The following SGCD variants were observed in gnomAD, a reference collection of about 807,000 sequenced individuals.
The protein encoded by SGCD is delta-sarcoglycan.
In SGCD, 18 loss-of-function variants were observed where a neutral mutation model predicts 36.6. The observed-to-expected ratio is 0.49, with a 90% CI of 0.34 to 0.73. The LOEUF is 0.73. SGCD is among the 30% of genes least tolerant of loss of function. The pLI is 0.01. For missense variants in SGCD, 387 were observed against 346.7 expected (o/e 1.12, Z -0.92); for synonymous variants, 133 against 130.6 (o/e 1.02, Z -0.12).
At chr5:155,924,785 TAAATC>T (rs1042701172) in intron 1 of SGCD, among the ~76,000 whole-genome samples, 4 of 152,204 alleles carry the variant, frequency 2.6e-5, no homozygotes, top group Non-Finnish European at 5.9e-5. Context: ...TTAGTAAACA[TAAATC>T]AGTTGTACAG....
At chr5:156,379,500 T>C (rs1408804310) in intron 3 of SGCD, among the ~76,000 whole-genome samples, 1 of 152,106 alleles carries the variant, frequency 6.6e-6, no homozygotes, top group Non-Finnish European at 1.5e-5. Flanking sequence ...GATGACAGGA[T>C]AGAGTAGTAG....
chr5:155,758,633 C>G, the SGCD span, among the ~76,000 whole-genome samples: 4 of 152,072 alleles, frequency 2.6e-5, no homozygotes, highest in East Asian at 1.9e-4. Flanking sequence ...CACAGGAGCA[C>G]GAACCGTATT....
chr5:156,729,690 A>G, intron 7 of SGCD, among the ~76,000 whole-genome samples: 1 of 152,208 alleles, frequency 6.6e-6, no homozygotes, highest in East Asian at 1.9e-4. Flanking sequence ...CAAGGTTAGT[A>G]TATATAAGTA....
chr5:156,552,261 G>A (rs1758831199), intron 4 of SGCD, among the ~76,000 whole-genome samples: 1 of 152,140 alleles, frequency 6.6e-6, no homozygotes, highest in South Asian at 2.1e-4. Flanking sequence ...GTGTAAGTGG[G>A]TTTCTTCTTG....
chr5:156,700,268 C>T (rs1754477377), intron 7 of SGCD, among the ~76,000 whole-genome samples: 1 of 152,090 alleles, frequency 6.6e-6, no homozygotes, highest in African/African-American at 2.4e-5. Flanking sequence ...TCGGTCTGTT[C>T]TCTGTTGTAC....
chr5:156,750,480 T>TCAGG (rs1393627364), intron 7 of SGCD, among the ~76,000 whole-genome samples: 3 of 151,866 alleles, frequency 2.0e-5, no homozygotes, highest in Non-Finnish European at 4.4e-5. Context: ...GAGTTCAAGA[T>TCAGG]CAGGCTGGCC....
intron 1 of SGCD, among the ~76,000 whole-genome samples, chr5:156,049,002 T>A (rs1407228481): frequency 6.8e-6 from 1 of 147,312 alleles, no homozygotes; most frequent in Non-Finnish European, 1.5e-5. Flanking sequence ...AATTTTTGTA[T>A]AAGGTGTAAG....
rs144286704 is a variant in SGCD at position 156,160,273 on chromosome 5, T to A, written c.-44+36254T>A. On this transcript the variant is annotated intron_variant, in intron 3 of 9. Transcript: ENST00000517913. ...GAAATTTATTTTTAACTAAGATATA[T>A]CAGCACAAAGATCTCTTCCAGCATC... Among the ~76,000 whole-genome samples the A allele has an allele frequency of 6.0e-4, 91 of 151,712 alleles. 1 individual carries two copies. The Middle Eastern group carries it at 0.01, about 17-fold the overall frequency.
intron 3 of SGCD, among the ~76,000 whole-genome samples, chr5:156,319,516 T>C (rs1224047541): frequency 6.6e-6 from 1 of 152,226 alleles, no homozygotes; most frequent in Non-Finnish European, 1.5e-5. Context: ...ACTTCCTCAT[T>C]GCTTAAGAAG....
intron 3 of SGCD, among the ~76,000 whole-genome samples, chr5:156,438,029 T>C (rs185497090): frequency 2.6e-5 from 4 of 152,234 alleles, no homozygotes; most frequent in African/African-American, 4.8e-5. Flanking sequence ...GGAGGATACA[T>C]TGGGGAGGCT....
At chr5:156,235,663 C>T (rs574458656) in intron 3 of SGCD, among the ~76,000 whole-genome samples, 5 of 152,060 alleles carry the variant, frequency 3.3e-5, no homozygotes, top group South Asian at 2.1e-4. Flanking sequence ...GTCTTCTAAT[C>T]GAAACTACTG....
intron 3 of SGCD, among the ~76,000 whole-genome samples, chr5:156,443,543 T>C (rs1348132379): frequency 1.3e-5 from 2 of 152,106 alleles, no homozygotes; most frequent in Non-Finnish European, 2.9e-5. Flanking sequence ...TGATCATCTA[T>C]TGAAGTTTGG....
chr5:156,373,684 A>T (rs13184996), intron 3 of SGCD, among the ~76,000 whole-genome samples: 97,849 of 152,084 alleles, frequency 0.64, 33,099 homozygotes, highest in East Asian at 0.92. Context: ...CAGTGCTAAG[A>T]GAAAATGAAC....
Position 156,413,912 on chromosome 5 carries a change from A to C in SGCD, c.192+69235A>C, listed in dbSNP as rs561818979. On this transcript the variant is annotated intron_variant, in intron 3 of 8. Coordinates refer to ENST00000337851, the MANE Select transcript of SGCD (RefSeq NM_000337.6). ...CTTAGGACTTGGAGATGGAGGACACAGTACTGAGGTTTTGGAGATGAAAGT... is the reference window on the plus strand; with the variant it reads ...CTTAGGACTTGGAGATGGAGGACACCGTACTGAGGTTTTGGAGATGAAAGT... Among the ~76,000 whole-genome samples the C allele has an allele frequency of 2.0e-5, 3 of 152,294 alleles. No homozygotes were observed. The South Asian group carries it at 6.2e-4, about 32-fold the overall frequency.
At chr5:156,645,726 CT>C (rs1174328265) in intron 6 of SGCD, among the ~76,000 whole-genome samples, 9 of 152,090 alleles carry the variant, frequency 5.9e-5, no homozygotes, top group African/African-American at 2.2e-4. Flanking sequence ...AATTTCCTGA[CT>C]TCCCTGAGCC....
At chr5:156,206,408 G>C (rs186333008) in intron 3 of SGCD, among the ~76,000 whole-genome samples, 60 of 152,088 alleles carry the variant, frequency 3.9e-4, no homozygotes, top group African/African-American at 1.4e-3. Context: ...AATATATATA[G>C]AGTATTCTTA....
In SGCD at chr5:156,236,446, G is replaced by A. The variant is rs745805529; in HGVS notation, c.-43-93088G>A. On this transcript the variant is annotated intron_variant, in intron 3 of 9. Coordinates refer to the SGCD transcript ENST00000517913. ...AATTACAGGTGGATAATGCTAATTC[G>A]TATACTTTTTTTTTTTTTTTTGAGA... Among the ~76,000 whole-genome samples the A allele has an allele frequency of 7.9e-4, 117 of 148,438 alleles. 1 individual carries two copies. The highest frequency in any genetic ancestry group is 1.2e-3 in the Non-Finnish European group (78 of 67,292).
the SGCD span, among the ~76,000 whole-genome samples, chr5:155,826,081 C>G: frequency 4.3e-4 from 65 of 152,294 alleles, 1 homozygote; most frequent in Middle Eastern, 3.4e-3. Context: ...AAAGGAAGTT[C>G]CACTGAAAAG....
intron 3 of SGCD, among the ~76,000 whole-genome samples, chr5:156,396,678 GGC>G (rs1295824819): frequency 3.9e-5 from 6 of 152,164 alleles, no homozygotes; most frequent in Non-Finnish European, 7.3e-5. Context: ...TCAAGAGGCA[GGC>G]ATGTGTGGGA....
Sources: gnomAD v4.1 joint callset for allele counts (sites outside exome capture counted in the v4.1 genomes callset) on GRCh38, gnomAD v4.1.1 for gene constraint, MANE v1.5 for transcripts, NCBI Gene and HGNC (gene_info 2026-07-23, HGNC 2026-07-21) for gene names.